The following MCF2L variants were observed in gnomAD, a reference collection of about 807,000 sequenced individuals.
MCF2L encodes guanine nucleotide exchange factor DBS.
MCF2L carries 97 observed loss-of-function variants against 153.4 expected under a neutral mutation model. The observed-to-expected ratio is 0.63, with a 90% confidence interval of 0.54 to 0.75. MCF2L has a LOEUF of 0.75. Among genes scored for constraint, MCF2L ranks in the 30% least tolerant of loss-of-function variants. MCF2L has a pLI of 0.00. For missense variants in MCF2L, 1,347 were observed against 1,495.2 expected (o/e 0.90, Z 1.64); for synonymous variants, 659 against 632.2 (o/e 1.04, Z -0.64).
In MCF2L at chr13:112,986,386, C is replaced by G. The variant is rs182206707; in HGVS notation, c.79+16928C>G. Among the ~76,000 whole-genome samples the G allele has an allele frequency of 1.5e-3, 235 of 152,354 alleles. 1 individual carries two copies. The highest frequency in any genetic ancestry group is 5.5e-3 in the African/African-American group (228 of 41,586). On this transcript the variant is annotated intron_variant, in intron 1 of 29. Transcript: ENST00000535094. ...AAGTCACGGAGAGAAATGCGCATCA[C>G]AGGGTTGTCAGAGCGTCCCACGAAC...
intron 23 of MCF2L, 45 bp downstream of exon 23, chr13:113,087,844 A>G (rs1205608469): frequency 6.8e-7 from 1 of 1,481,284 alleles, no homozygotes; most frequent in Non-Finnish European, 9.4e-7. Flanking sequence ...ATTGCCACGA[A>G]TGGTTTCTCA....
chr13:113,025,770 G>T (rs1238934621), intron 3 of MCF2L, among the ~76,000 whole-genome samples: 1 of 146,824 alleles, frequency 6.8e-6, no homozygotes, highest in Non-Finnish European at 1.5e-5. Flanking sequence ...ATGGGATGAG[G>T]CAGAGTCCCT....
At chr13:112,909,905 T>C (rs780078918) in intron 2 of MCF2L, 40 of 152,350 alleles carry the variant, frequency 2.6e-4, no homozygotes, top group African/African-American at 9.4e-4. Flanking sequence ...CCTCCCAAAG[T>C]GCTGGGATTA....
rs1331846354 is a variant in MCF2L, at chr13:113,098,331, T to C, written c.*1472T>C. 5 of 152,604 alleles carry C rather than the reference T, an allele frequency of 3.3e-5. No individual in the cohort carries two copies. The allele number at this position is 152,604 out of a possible 1,614,324, so 9.5% of individuals were successfully genotyped here. A position where few individuals can be genotyped will look rare whatever the true frequency, so the allele number is the denominator to read the frequency against. On this transcript the variant is annotated 3_prime_UTR_variant, in exon 30 of 30. Coordinates refer to ENST00000535094, the MANE Select transcript of MCF2L (RefSeq NM_001112732.3). ...TGATGTGTAAGTTATTTGGAACGCG[T>C]GCTGTGTCCCGCGATGTCCCTGATG...
intron 2 of MCF2L, among the ~76,000 whole-genome samples, chr13:112,927,655 G>A (rs1363523203): frequency 6.6e-6 from 1 of 152,162 alleles, no homozygotes; most frequent in African/African-American, 2.4e-5. Flanking sequence ...CACCTCCCTT[G>A]GTGAACTGCT....
chr13:112,997,650 G>T (rs2141020132), intron 1 of MCF2L, among the ~76,000 whole-genome samples: 1 of 152,364 alleles, frequency 6.6e-6, no homozygotes, highest in East Asian at 1.9e-4. Flanking sequence ...AAATGAAATT[G>T]TCCATCCGGG....
intron 16 of MCF2L, among the ~76,000 whole-genome samples, chr13:113,081,789 C>G (rs2141995618): frequency 1.3e-5 from 2 of 152,214 alleles, no homozygotes; most frequent in Non-Finnish European, 2.9e-5. Context: ...AGGTGGTGGT[C>G]ACTTGAGTGT....
At chr13:113,075,320 C>G (rs534547805) in intron 11 of MCF2L, 131 bp downstream of exon 11, 6 of 714,004 alleles carry the variant, frequency 8.4e-6, no homozygotes, top group South Asian at 7.3e-5. Context: ...TTGCACCCTT[C>G]GTTTCTGGTC....
At chr13:113,083,546 C>A (rs554982780) in intron 17 of MCF2L, among the ~76,000 whole-genome samples, 2 of 152,344 alleles carry the variant, frequency 1.3e-5, no homozygotes, top group Admixed American at 6.5e-5. Flanking sequence ...CCCCTCCAGC[C>A]GGACTTCCTC....
chr13:113,060,096 G>C (rs967971782), intron 4 of MCF2L, among the ~76,000 whole-genome samples: 2 of 152,104 alleles, frequency 1.3e-5, no homozygotes, highest in Non-Finnish European at 2.9e-5. Flanking sequence ...TCAGCTTCTG[G>C]TCTGGCTGCC....
chr13:112,907,052 C>G lies in MCF2L; in HGVS notation c.169+4681C>G, dbSNP rs1163355762. Reference sequence around the variant, plus strand: ...GGGTGGAGTCGCGACATTGCTGTTTCTATGTCAGAAGCCTTGGAGCATGGA... The same window carrying G: ...GGGTGGAGTCGCGACATTGCTGTTTGTATGTCAGAAGCCTTGGAGCATGGA... On this transcript the variant is annotated intron_variant, in intron 2 of 29. Transcript: ENST00000375608. The surrounding 1 kb of genome is among the most constrained non-coding windows in gnomAD (Gnocchi z 5.1). Among the ~76,000 whole-genome samples, 1 of 152,154 alleles carries G rather than the reference C, an allele frequency of 6.6e-6. No homozygotes were observed. The highest frequency in any genetic ancestry group is 1.5e-5 in the Non-Finnish European group (1 of 68,044).
At chr13:113,078,552 C>A in intron 14 of MCF2L, 114 bp from the exon 15 acceptor site, 1 of 1,386,936 alleles carries the variant, frequency 7.2e-7, no homozygotes, top group Non-Finnish European at 1.0e-6. Context: ...GGCCAGCTCC[C>A]CATCGTGGGA....
rs35463691 is a variant in MCF2L, at chr13:113,074,777, G to T, written c.1116+214G>T. Among the ~76,000 whole-genome samples, 14,028 of 152,148 alleles carry T rather than the reference G, an allele frequency of 0.092. 907 individuals carry two copies. Among genetic ancestry groups the T allele is most frequent in the Admixed American group, 0.17 (2,618 of 15,300 alleles). On this transcript the variant is annotated intron_variant, in intron 10 of 29. Coordinates refer to ENST00000535094, the MANE Select transcript of MCF2L (RefSeq NM_001112732.3). This position sits in a 1 kb window ranked among gnomAD's most constrained non-coding sequence, Gnocchi z 4.2. ...CCCTGCCCGGCCTCCTCTGGGTCAG[G>T]TCCCTGCAGACGGTCAATGCCTTTG...
chr13:112,988,229 C>T (rs889142904), intron 1 of MCF2L, among the ~76,000 whole-genome samples: 3 of 151,198 alleles, frequency 2.0e-5, no homozygotes, highest in African/African-American at 2.4e-5. Flanking sequence ...CTGTGGTCCT[C>T]GTCTACTGTG....
At chr13:113,021,854 G>C (rs905723036) in intron 2 of MCF2L, among the ~76,000 whole-genome samples, 2 of 152,170 alleles carry the variant, frequency 1.3e-5, no homozygotes, top group African/African-American at 4.8e-5. Flanking sequence ...GCTTTGCATT[G>C]AGGCTGTGGT....
At chr13:112,938,184 G>T (rs1362973764) in intron 2 of MCF2L, among the ~76,000 whole-genome samples, 8 of 123,618 alleles carry the variant, frequency 6.5e-5, no homozygotes, top group East Asian at 5.3e-4. Context: ...TCAGGTGAGC[G>T]CTGAGGGGTT....
chr13:112,906,809 G>T (rs1214190960), intron 2 of MCF2L, among the ~76,000 whole-genome samples: 2 of 152,190 alleles, frequency 1.3e-5, no homozygotes, highest in African/African-American at 4.8e-5. Context: ...CTAGCTCTAG[G>T]GTGGCTTGTG....
intron 2 of MCF2L, among the ~76,000 whole-genome samples, chr13:112,945,527 T>C (rs528674934): frequency 3.3e-5 from 5 of 152,376 alleles, no homozygotes; most frequent in African/African-American, 1.2e-4. Flanking sequence ...GGGATCTTTT[T>C]TTATGAGATT....
rs181740901 is a variant in MCF2L, at chr13:113,035,502, G to T, written c.279-9769G>T. ...ACCCCCTCTGCGATGTGCAGCTCTGGGTGTCTGATCCCTCAGGGGTCCTGT... is the reference window on the plus strand; with the variant it reads ...ACCCCCTCTGCGATGTGCAGCTCTGTGTGTCTGATCCCTCAGGGGTCCTGT... On this transcript the variant is annotated intron_variant, in intron 3 of 29. Transcript: ENST00000535094. This position sits in a 1 kb window ranked among gnomAD's most constrained non-coding sequence, Gnocchi z 4.4. Among the ~76,000 whole-genome samples, 127 of 152,266 alleles carry T rather than the reference G, an allele frequency of 8.3e-4. 1 individual carries two copies. The Middle Eastern group carries it at 0.024, about 29-fold the overall frequency.
Sources: gnomAD v4.1 joint callset for allele counts (sites outside exome capture counted in the v4.1 genomes callset) on GRCh38, gnomAD v4.1.1 for gene constraint, Gnocchi (gnomAD v3.1) non-coding constraint, MANE v1.5 for transcripts, NCBI Gene and HGNC (gene_info 2026-07-23, HGNC 2026-07-21) for gene names.